The following INTS8 variants were observed in gnomAD, a reference collection of about 807,000 sequenced individuals.
The protein encoded by INTS8 is integrator complex subunit 8, also known as protein kaonashi-1.
In INTS8, 47 loss-of-function variants were observed where a neutral mutation model predicts 138.9. The ratio of observed to expected loss-of-function variants is 0.34; its 90% confidence interval spans 0.27 to 0.43. INTS8 has a LOEUF of 0.43. Among genes scored for constraint, INTS8 ranks in the 20% least tolerant of loss-of-function variants. The pLI is 1.00. For synonymous variants in INTS8, 392 were observed against 400.9 expected, an observed-to-expected ratio of 0.98 and a Z score of 0.27; for missense variants, 996 against 1,173.0, an observed-to-expected ratio of 0.85 and a Z score of 2.20.
chr8:94,836,008 T>G (rs146342800), intron 6 of INTS8, among the ~76,000 whole-genome samples: 1 of 152,200 alleles, frequency 6.6e-6, no homozygotes, highest in African/African-American at 2.4e-5. Flanking sequence ...TATGCTTCTT[T>G]TAGACTGAAT....
intron 17 of INTS8, 63 bp from the exon 18 acceptor site, chr8:94,866,095 C>G (rs980683370): frequency 2.8e-6 from 2 of 718,490 alleles, no homozygotes; most frequent in Non-Finnish European, 4.7e-6. Context: ...CTATAATTTA[C>G]TTTCTTGATT....
rs1814933603 is a variant in INTS8, at chr8:94,836,567, C to G, written c.797C>G (p.Thr266Arg). The G allele has an allele frequency of 6.2e-7, 1 of 1,614,032 alleles. No individual in the cohort carries two copies. The highest frequency in any genetic ancestry group is 8.5e-7 in the Non-Finnish European group (1 of 1,179,966). The change falls in exon 7 of 27, where the codon ACA (threonine) becomes AGA (arginine). Residue 266 changes from threonine to arginine, a missense_variant. Physicochemically the swap from Thr to Arg is moderately conservative, Grantham distance 71. Transcript: ENST00000523731. ...GCAGCATACTTCCAGCAAGGCTCCACAAATTCAGCTGTCTATGAAAATGCC... is the reference window on the plus strand; with the variant it reads ...GCAGCATACTTCCAGCAAGGCTCCAGAAATTCAGCTGTCTATGAAAATGCC... ...LGAAYFQQGS[T>R]NSAVYENARE...
intron 16 of INTS8, among the ~76,000 whole-genome samples, chr8:94,862,474 T>C (rs942436937): frequency 6.6e-6 from 1 of 152,214 alleles, no homozygotes; most frequent in Non-Finnish European, 1.5e-5. Context: ...TGTGGAGCTG[T>C]GCACCAGGAG....
rs2131091965 is a variant in INTS8, at chr8:94,881,066, C to A, written c.*832C>A. The stretch of plus-strand genomic sequence containing the variant: ...CTAGTTTAAAAAACATTAAATTTCA[C>A]CATTTGTAGAAATTCAAGTTTTATA... On this transcript the variant is annotated 3_prime_UTR_variant, in exon 27 of 27. Coordinates refer to ENST00000523731, the MANE Select transcript of INTS8 (RefSeq NM_017864.4). 5.0e-6 allele frequency: 2 copies of A among 397,930 alleles called. No individual in the cohort carries two copies. Among genetic ancestry groups the A allele is most frequent in the Non-Finnish European group, 4.4e-6 (1 of 225,474 alleles). 24.6% of individuals were successfully genotyped at this position (397,930 alleles called of 1,614,324 possible). A position where few individuals can be genotyped will look rare whatever the true frequency, so the allele number is the denominator to read the frequency against.
intron 26 of INTS8, among the ~76,000 whole-genome samples, chr8:94,878,756 C>T (rs938010604): frequency 8.5e-5 from 13 of 152,222 alleles, no homozygotes; most frequent in Non-Finnish European, 1.8e-4. Context: ...ACTGCTCTTA[C>T]TTTTCTCTCA....
At position 94,860,918 on chromosome 8, in the gene INTS8, G is replaced by A. The variant is rs373088910; in HGVS notation, c.2076+1286G>A. ...AAAATACAAAAAAAATTAGCCGGGC[G>A]TAGTGGCGGGCTCCTGTAGTCCCAG... On this transcript the variant is annotated intron_variant, in intron 16 of 26. Coordinates refer to ENST00000523731, the MANE Select transcript of INTS8 (RefSeq NM_017864.4). Among the ~76,000 whole-genome samples the A allele has an allele frequency of 1.2e-4, 18 of 151,648 alleles. No homozygotes were observed. The East Asian group carries it at 1.2e-3, about 10-fold the overall frequency.
chr8:94,845,378 CCA>C (rs1488988867), intron 10 of INTS8, among the ~76,000 whole-genome samples: 1 of 152,094 alleles, frequency 6.6e-6, no homozygotes, highest in Non-Finnish European at 1.5e-5. Flanking sequence ...TGTTTCTGAG[CCA>C]TTTTATACCA....
chr8:94,871,041 G>T (rs1222562381), intron 20 of INTS8, among the ~76,000 whole-genome samples: 1 of 152,054 alleles, frequency 6.6e-6, no homozygotes, highest in Non-Finnish European at 1.5e-5. Context: ...ACCCCATTAG[G>T]CCCCTGAAGC....
At chr8:94,845,166 A>G (rs1381229187) in intron 10 of INTS8, among the ~76,000 whole-genome samples, 1 of 150,222 alleles carries the variant, frequency 6.7e-6, no homozygotes, top group East Asian at 1.9e-4. Flanking sequence ...CTATTGTGTC[A>G]TGAAGATATT....
intron 2 of INTS8, among the ~76,000 whole-genome samples, chr8:94,826,921 T>A (rs544263594): frequency 2.6e-5 from 4 of 152,168 alleles, no homozygotes; most frequent in African/African-American, 9.6e-5. Context: ...CTGGCTAACA[T>A]GGTGAAACCC....
intron 14 of INTS8, 74 bp downstream of exon 14, chr8:94,853,989 T>C (rs1815650028): frequency 1.1e-6 from 1 of 896,940 alleles, no homozygotes; most frequent in Non-Finnish European, 1.8e-6. Flanking sequence ...ATACCTGTAA[T>C]ACCAGCACTT....
chr8:94,863,698 A>AT (rs1483968677), intron 16 of INTS8, among the ~76,000 whole-genome samples: 1 of 152,176 alleles, frequency 6.6e-6, no homozygotes, highest in African/African-American at 2.4e-5. Flanking sequence ...GACTTTGAAA[A>AT]TTTTTTAAAT....
chr8:94,846,115 G>A (rs981927950), intron 10 of INTS8, among the ~76,000 whole-genome samples: 5 of 152,104 alleles, frequency 3.3e-5, no homozygotes, highest in Non-Finnish European at 7.4e-5. Flanking sequence ...TTTATGCATT[G>A]ATACAGAGGT....
At chr8:94,827,889 G>C in intron 4 of INTS8, 96 bp downstream of exon 4, 1 of 1,031,924 alleles carries the variant, frequency 9.7e-7, no homozygotes. Context: ...AGAAGAAGTA[G>C]AGCAGGAATA....
Position 94,857,193 on chromosome 8 carries a change from C to CTCCT in INTS8, c.1954+216_1954+219dup, listed in dbSNP as rs1387261839. ...GTTAAAGTGACTCTCCTGCCTCAGC[C>CTCCT]TCCTCAGTTGCTGGGATTAAAGGAA... On this transcript the variant is annotated intron_variant, in intron 15 of 26. Coordinates refer to ENST00000523731, the MANE Select transcript of INTS8 (RefSeq NM_017864.4). Among the ~76,000 whole-genome samples the CTCCT allele has an allele frequency of 3.3e-5, 5 of 151,722 alleles. No individual in the cohort carries two copies. The East Asian group carries it at 9.7e-4, about 29-fold the overall frequency.
At chr8:94,865,458 C>G (rs939488271) in intron 16 of INTS8, 48 bp from the exon 17 acceptor site, 24 of 1,461,118 alleles carry the variant, frequency 1.6e-5, no homozygotes, top group Non-Finnish European at 2.3e-5. Context: ...AACTAATGTG[C>G]ACGACATTAC....
Position 94,834,362 on chromosome 8 carries a change from GGTGTGTGT to G in INTS8, c.754-2133_754-2126del, listed in dbSNP as rs35147334. 3.7e-4 allele frequency among the ~76,000 whole-genome samples: 54 copies of G among 144,570 alleles called. 1 individual carries two copies. In the South Asian group the frequency reaches 4.3e-3, roughly 11 times the overall value. The allele number at this position is 144,570 out of a possible 152,430, so 94.8% of individuals were successfully genotyped here. On this transcript the variant is annotated intron_variant, in intron 6 of 26. Transcript: ENST00000523731. ...TAGTAAGTATGCATATATGTGCATG[GGTGTGTGT>G]GTGTGTGTGTGTGTGTGTGTGTGTG...
intron 6 of INTS8, among the ~76,000 whole-genome samples, chr8:94,832,639 A>T (rs1254232893): frequency 1.3e-5 from 2 of 151,654 alleles, no homozygotes; most frequent in African/African-American, 4.9e-5. Flanking sequence ...GCTTATTGTC[A>T]GGTATTATTT....
chr8:94,851,703 G>T lies in INTS8; in HGVS notation c.1641+17G>T. ...TCTAATAAGGTAAACCCTATGTCAA[G>T]AACAGATAAGAAAATTGCCCTTGTT... On this transcript the variant is annotated intron_variant, in intron 13 of 26. Coordinates refer to ENST00000523731, the MANE Select transcript of INTS8 (RefSeq NM_017864.4). 1.3e-6 allele frequency: 2 copies of T among 1,555,152 alleles called. No individual in the cohort carries two copies. The highest frequency in any genetic ancestry group is 2.5e-5 in the South Asian group (2 of 80,458).
Sources: gnomAD v4.1 joint callset for allele counts (sites outside exome capture counted in the v4.1 genomes callset) on GRCh38, gnomAD v4.1.1 for gene constraint, MANE v1.5 for transcripts, NCBI Gene and HGNC (gene_info 2026-07-23, HGNC 2026-07-21) for gene names.